Variants in RASGEF1A observed in about 807,000 individuals in gnomAD.
The protein encoded by RASGEF1A is RasGEF domain family member 1A.
Under a neutral mutation model 56.4 loss-of-function variants are expected in RASGEF1A, and 18 were observed. The ratio of observed to expected loss-of-function variants is 0.32; its 90% CI spans 0.22 to 0.47. RASGEF1A has a LOEUF of 0.47. Ranked by LOEUF, RASGEF1A falls within the 20% of genes least tolerant of loss-of-function variation. The pLI is 1.00. For synonymous variants in RASGEF1A, 245 were observed against 242.6 expected, an observed-to-expected ratio of 1.01 and a Z score of -0.09; for missense variants, 422 against 627.1, an observed-to-expected ratio of 0.67 and a Z score of 3.49.
At chr10:43,197,904 G>A in intron 10 of RASGEF1A, 100 bp downstream of exon 10, 1 of 1,041,022 alleles carries the variant, frequency 9.6e-7, no homozygotes, top group Non-Finnish European at 1.4e-6. Flanking sequence ...CTCAGGCAGG[G>A]CTCAGGAAAC....
intron 3 of RASGEF1A, chr10:43,202,772 T>A: frequency 2.2e-6 from 1 of 444,688 alleles, no homozygotes. Context: ...ACCACGCCCC[T>A]AACCCGGACC....
intron 1 of RASGEF1A, among the ~76,000 whole-genome samples, chr10:43,253,567 G>GGGAGAT (rs1399908211): frequency 1.3e-5 from 2 of 152,252 alleles, no homozygotes; most frequent in Admixed American, 1.3e-4. Context: ...GACAGGGTCA[G>GGGAGAT]GGAGATGGTG....
chr10:43,243,818 C>A (rs563087574), intron 1 of RASGEF1A, among the ~76,000 whole-genome samples: 7 of 152,088 alleles, frequency 4.6e-5, no homozygotes, highest in Non-Finnish European at 1.0e-4. Context: ...TGCCCGGCCA[C>A]CCAGCCTGGG....
chr10:43,201,958 G>A lies in RASGEF1A; in HGVS notation c.322-13C>T. ...ACTTCAGCTTGGCCTGGGGCAGCAG[G>A]GGATACAGAGTAAGGCCCCACAGGG... is the stretch of plus-strand genomic sequence containing the variant. On this transcript the variant is annotated splice_polypyrimidine_tract_variant and intron_variant, in intron 3 of 12. Transcript: ENST00000395810. 1.3e-6 allele frequency: 2 copies of A among 1,598,982 alleles called. No homozygotes were observed. The highest frequency in any genetic ancestry group is 2.2e-5 in the East Asian group (1 of 44,536).
intron 1 of RASGEF1A, among the ~76,000 whole-genome samples, chr10:43,216,507 A>G (rs75053686): frequency 0.056 from 8,516 of 152,238 alleles, 616 homozygotes; most frequent in African/African-American, 0.17. Context: ...AGGCACCATG[A>G]TTACAAGATT....
intron 1 of RASGEF1A, among the ~76,000 whole-genome samples, chr10:43,266,379 G>T (rs1005106472): frequency 1.3e-5 from 2 of 152,182 alleles, no homozygotes; most frequent in South Asian, 4.1e-4. Flanking sequence ...CAGCAAGGGC[G>T]TGAGATACCA....
intron 1 of RASGEF1A, among the ~76,000 whole-genome samples, chr10:43,227,743 G>A (rs1047233680): frequency 9.9e-5 from 15 of 152,092 alleles, no homozygotes; most frequent in African/African-American, 3.6e-4. Flanking sequence ...AACACCTCTG[G>A]GGTGGGAAGT....
chr10:43,228,246 C>T (rs550611626), intron 1 of RASGEF1A, among the ~76,000 whole-genome samples: 1 of 152,314 alleles, frequency 6.6e-6, no homozygotes, highest in African/African-American at 2.4e-5. Flanking sequence ...ATGCCCCCCG[C>T]ATAGCTCCCT....
intron 1 of RASGEF1A, among the ~76,000 whole-genome samples, chr10:43,224,256 A>G (rs1051537321): frequency 1.3e-5 from 2 of 152,162 alleles, no homozygotes; most frequent in African/African-American, 2.4e-5. Flanking sequence ...TATTCATTTT[A>G]TAAAGCTAAA....
intron 1 of RASGEF1A, among the ~76,000 whole-genome samples, chr10:43,213,861 G>C (rs1190565606): frequency 6.6e-6 from 1 of 152,084 alleles, no homozygotes; most frequent in Non-Finnish European, 1.5e-5. Flanking sequence ...CTCCTGGCCA[G>C]CCTCAAGTGA....
intron 2 of RASGEF1A, 48 bp downstream of exon 2, chr10:43,205,871 G>A (rs760317740): frequency 4.1e-6 from 6 of 1,480,052 alleles, no homozygotes; most frequent in Non-Finnish European, 5.6e-6. Context: ...ATCTCCTGGA[G>A]CCCAGGTCAC....
At chr10:43,200,309 C>T in intron 5 of RASGEF1A, 53 bp from the exon 6 acceptor site, 1 of 1,475,500 alleles carries the variant, frequency 6.8e-7, no homozygotes, top group South Asian at 1.2e-5. Flanking sequence ...GGAGAAGGGA[C>T]AGCACTGCAT....
Position 43,201,628 on chromosome 10 carries a change from G to A in RASGEF1A, c.459+180C>T, listed in dbSNP as rs959536481. On this transcript the variant is annotated intron_variant, in intron 4 of 12. Coordinates refer to ENST00000395810, the MANE Select transcript of RASGEF1A (RefSeq NM_145313.4). ...GTATCATGGGTGACCCTGGCCCACT[G>A]CTGGCCAGCTGAGCTGTCATCTGGG... 4.6e-5 allele frequency among the ~76,000 whole-genome samples: 7 copies of A among 152,186 alleles called. No homozygotes were observed. The South Asian group carries it at 6.2e-4, about 13-fold the overall frequency.
chr10:43,231,748 G>A (rs369948078), intron 1 of RASGEF1A, among the ~76,000 whole-genome samples: 27 of 152,382 alleles, frequency 1.8e-4, no homozygotes, highest in East Asian at 1.3e-3. Flanking sequence ...CTGAGGATGC[G>A]AGGAGGCTGC....
At chr10:43,251,898 A>G (rs1840631367) in intron 1 of RASGEF1A, among the ~76,000 whole-genome samples, 1 of 152,154 alleles carries the variant, frequency 6.6e-6, no homozygotes, top group African/African-American at 2.4e-5. Context: ...TTCGGAAGGG[A>G]CAGGTGAAGG....
Position 43,232,503 on chromosome 10 carries a change from T to TG in RASGEF1A, c.-6-26382dup, listed in dbSNP as rs1428626088. Among the ~76,000 whole-genome samples, 5 of 148,912 alleles carry TG rather than the reference T, an allele frequency of 3.4e-5. No homozygotes were observed. The South Asian group carries it at 8.5e-4, about 25-fold the overall frequency. ...TCTCCGGCTTTTTTTTTTTTTTTTTTGGAGATGGAGTCTCCCTCTATCACC... is the reference window on the plus strand; with the variant it reads ...TCTCCGGCTTTTTTTTTTTTTTTTTTGGGAGATGGAGTCTCCCTCTATCACC... On this transcript the variant is annotated intron_variant, in intron 1 of 12. Coordinates refer to ENST00000395810, the MANE Select transcript of RASGEF1A (RefSeq NM_145313.4).
intron 1 of RASGEF1A, among the ~76,000 whole-genome samples, chr10:43,259,723 C>T (rs929238456): frequency 4.6e-5 from 7 of 152,296 alleles, no homozygotes; most frequent in Admixed American, 6.5e-5. Context: ...CAGGTGCCAC[C>T]GCTGCACGTT....
At chr10:43,258,852 G>A (rs1836475480) in intron 1 of RASGEF1A, among the ~76,000 whole-genome samples, 1 of 152,246 alleles carries the variant, frequency 6.6e-6, no homozygotes, top group South Asian at 2.1e-4. Context: ...CTGGGCACAT[G>A]GGCCTCCTGA....
At chr10:43,197,849 C>G (rs1362156616) in intron 10 of RASGEF1A, among the ~76,000 whole-genome samples, 155 bp downstream of exon 10, 1 of 152,188 alleles carries the variant, frequency 6.6e-6, no homozygotes, top group African/African-American at 2.4e-5. Context: ...AAACAGCACC[C>G]CGTGACCCAC....
Sources: allele counts gnomAD v4.1 joint callset (sites outside exome capture counted in the v4.1 genomes callset), GRCh38; gene constraint gnomAD v4.1.1; transcripts MANE v1.5; gene names NCBI Gene and HGNC (gene_info 2026-07-23, HGNC 2026-07-21).